The following MYOC variants were observed in gnomAD, a reference collection of about 807,000 sequenced individuals.
MYOC encodes the protein juvenile-onset open-angle glaucoma 1.
Under a neutral mutation model 28.2 loss-of-function variants are expected in MYOC, and 29 were observed. The observed-to-expected ratio is 1.03, with a 90% CI of 0.77 to 1.40. The LOEUF is 1.40. Ranked by LOEUF, MYOC falls within the 40% of genes most tolerant of loss-of-function variation. The probability of loss-of-function intolerance (pLI) is 0.00; values close to 1 mark genes in which losing one functional copy is unlikely to be tolerated. For synonymous variants in MYOC, 240 were observed against 245.6 expected (o/e 0.98, Z 0.21); for missense variants, 569 against 620.6 (o/e 0.92, Z 0.88).
chr1:171,651,889 G>A, intron 1 of MYOC, 119 bp downstream of exon 1: 3 of 1,390,704 alleles, frequency 2.2e-6, no homozygotes, highest in South Asian at 2.3e-5. Context: ...CATCTGTCTT[G>A]TGCTAGCTGT....
chr1:171,650,194 T>C (rs1272547963), intron 1 of MYOC, among the ~76,000 whole-genome samples: 1 of 152,136 alleles, frequency 6.6e-6, no homozygotes, highest in Admixed American at 6.6e-5. Flanking sequence ...GCCACTATTT[T>C]TGTACACACA....
At chr1:171,649,851 T>A (rs1653312001) in intron 1 of MYOC, among the ~76,000 whole-genome samples, 1 of 152,144 alleles carries the variant, frequency 6.6e-6, no homozygotes, top group African/African-American at 2.4e-5. Context: ...AATTCGAGCT[T>A]TGCCACTAAC....
chr1:171,635,652 C>T lies in MYOC; in HGVS notation c.*273G>A, dbSNP rs748718270. ...AACTATTATGCCTTACAGCTTTTGC[C>T]CCAAATCACAAGAAAACTTGAACTA... On this transcript the variant is annotated 3_prime_UTR_variant, in exon 3 of 3. Coordinates refer to ENST00000037502, the MANE Select transcript of MYOC (RefSeq NM_000261.2). The T allele has an allele frequency of 3.0e-5, 16 of 525,214 alleles. No individual in the cohort carries two copies. Among genetic ancestry groups the T allele is most frequent in the African/African-American group, 1.1e-4 (6 of 52,768 alleles). The allele number at this position is 525,214 out of a possible 1,614,324, so 32.5% of individuals were successfully genotyped here.
chr1:171,636,069 T>A lies in MYOC; in HGVS notation c.1371A>T (p.Thr457=), dbSNP rs145447699. The A allele has an allele frequency of 5.0e-6, 8 of 1,614,082 alleles. No homozygotes were observed. Among genetic ancestry groups the A allele is most frequent in the African/African-American group, 4.0e-5 (3 of 74,920 alleles). ...ATVNFAYDTG[T]GISKTLTIPF... The stretch of plus-strand genomic sequence containing the variant: ...GGATGGTCAGGGTCTTGCTGATACC[T>A]GTGCCTGTGTCATAAGCAAAGTTGA... Residue 457 remains threonine, a synonymous_variant, in exon 3 of 3, where the codon ACA becomes ACT. Coordinates refer to ENST00000037502, the MANE Select transcript of MYOC (RefSeq NM_000261.2).
In MYOC at chr1:171,651,988, C is replaced by G. The variant is rs370387906; in HGVS notation, c.604+20G>C. On this transcript the variant is annotated intron_variant, in intron 1 of 2. Transcript: ENST00000037502. ...CATATCACCTGCTGAACTCAGAGTCCCCCCACTCTGCATTCTTACCTTCTC... is the reference window on the plus strand; with the variant it reads ...CATATCACCTGCTGAACTCAGAGTCGCCCCACTCTGCATTCTTACCTTCTC... 1 of 1,614,108 alleles carries G rather than the reference C, an allele frequency of 6.2e-7. No individual in the cohort carries two copies.
intron 1 of MYOC, among the ~76,000 whole-genome samples, chr1:171,643,778 C>G (rs1307192093): frequency 1.3e-5 from 2 of 151,790 alleles, no homozygotes; most frequent in Non-Finnish European, 2.9e-5. Context: ...CGAGACCAGC[C>G]TGACCAACAT....
At chr1:171,648,316 C>G (rs1394677962) in intron 1 of MYOC, among the ~76,000 whole-genome samples, 1 of 152,168 alleles carries the variant, frequency 6.6e-6, no homozygotes, top group African/African-American at 2.4e-5. Context: ...TAAACCTCCC[C>G]TCTTCTGTTG....
chr1:171,652,357 C>T lies in MYOC; in HGVS notation c.255G>A (p.Leu85=), dbSNP rs765017927. The change falls in exon 1 of 3, where the codon CTG becomes CTA. Residue 85 remains leucine, a synonymous_variant. Coordinates refer to ENST00000037502, the MANE Select transcript of MYOC (RefSeq NM_000261.2). Reference sequence around the variant, plus strand: ...AGCTGAGTCGAGCTTTGGTGGCCTCCAGGTCTAAGCGTTGGGTGCTGCTGT... The same window carrying T: ...AGCTGAGTCGAGCTTTGGTGGCCTCTAGGTCTAAGCGTTGGGTGCTGCTGT... The part of the protein sequence containing the change: ...QRDSSTQRLD[L]EATKARLSSL... 2 of 1,611,144 alleles carry T rather than the reference C, an allele frequency of 1.2e-6. No homozygotes were observed. Among genetic ancestry groups the T allele is most frequent in the Admixed American group, 3.3e-5 (2 of 59,922 alleles).
chr1:171,639,168 G>T (rs1003612830), intron 1 of MYOC, among the ~76,000 whole-genome samples: 3 of 152,166 alleles, frequency 2.0e-5, no homozygotes, highest in Admixed American at 1.3e-4. Flanking sequence ...TAAGGACTGG[G>T]GATGGGTTGG....
At position 171,652,233 on chromosome 1, in the gene MYOC, C is replaced by A; in HGVS notation, c.379G>T (p.Glu127Ter). The A allele has an allele frequency of 6.2e-7, 1 of 1,614,220 alleles. No homozygotes were observed. The highest frequency in any genetic ancestry group is 8.5e-7 in the Non-Finnish European group (1 of 1,180,034). The change falls in exon 1 of 3, where the codon GAG (glutamate) becomes TAG (stop). Residue 127 changes from glutamate (E) to a stop codon, truncating the protein, a stop_gained. Transcript: ENST00000037502. LOFTEE classifies it high-confidence loss of function. ...LQRELGTLRR[E>*]RDQLETQTRE... is the part of the protein sequence containing the mutation. ...GTTTGGGTTTCCAGCTGGTCCCGCT[C>A]CCGCCTCAGGGTGCCCAGCTCCCTC... is the stretch of plus-strand genomic sequence containing the variant.
intron 1 of MYOC, among the ~76,000 whole-genome samples, chr1:171,639,340 C>T (rs1481397078): frequency 6.6e-6 from 1 of 152,068 alleles, no homozygotes. Flanking sequence ...GGGCAATGTG[C>T]CTACCTTAGA....
intron 1 of MYOC, among the ~76,000 whole-genome samples, chr1:171,643,210 G>T (rs1202987530): frequency 6.6e-6 from 1 of 152,194 alleles, no homozygotes; most frequent in Non-Finnish European, 1.5e-5. Context: ...CCTGAGACCA[G>T]TACCAGCTGC....
At chr1:171,646,730 C>T (rs1027262239) in intron 1 of MYOC, among the ~76,000 whole-genome samples, 5 of 151,972 alleles carry the variant, frequency 3.3e-5, no homozygotes, top group African/African-American at 4.8e-5. Flanking sequence ...CTCCTGACCT[C>T]GTGATCCGCC....
In MYOC at chr1:171,636,201, G is replaced by C; in HGVS notation, c.1239C>G (p.Leu413=). The part of the protein sequence containing the change: ...LSKLNPENLE[L]EQTWETNIRK... ...GGATGTTTGTCTCCCAGGTTTGTTC[G>C]AGTTCCAGATTCTCTGGGTTCAGTT... The change falls in exon 3 of 3, where the codon CTC becomes CTG. Residue 413 remains leucine (L), a synonymous_variant. Coordinates refer to ENST00000037502, the MANE Select transcript of MYOC (RefSeq NM_000261.2). 1 of 1,614,158 alleles carries C rather than the reference G, an allele frequency of 6.2e-7. No individual in the cohort carries two copies. The highest frequency in any genetic ancestry group is 8.5e-7 in the Non-Finnish European group (1 of 1,180,024).
chr1:171,645,589 T>C (rs1021990958), intron 1 of MYOC, among the ~76,000 whole-genome samples: 2 of 152,226 alleles, frequency 1.3e-5, no homozygotes, highest in African/African-American at 4.8e-5. Context: ...TTCTTTAAAG[T>C]AAACTTCCCC....
intron 1 of MYOC, among the ~76,000 whole-genome samples, chr1:171,650,886 C>T (rs1653336003): frequency 2.0e-5 from 3 of 152,120 alleles, no homozygotes; most frequent in Non-Finnish European, 4.4e-5. Flanking sequence ...ATCCTGACGC[C>T]TCACCCTGGG....
chr1:171,647,301 G>A (rs1653228237), intron 1 of MYOC, among the ~76,000 whole-genome samples: 1 of 152,174 alleles, frequency 6.6e-6, no homozygotes, highest in Non-Finnish European at 1.5e-5. Flanking sequence ...TGAGGCGGGT[G>A]GATCACGAGG....
chr1:171,652,359 G>A lies in MYOC; in HGVS notation c.253C>T (p.Leu85=). ...QRDSSTQRLD[L]EATKARLSSL... The stretch of plus-strand genomic sequence containing the variant: ...CTGAGTCGAGCTTTGGTGGCCTCCA[G>A]GTCTAAGCGTTGGGTGCTGCTGTCT... The change falls in exon 1 of 3, where the codon CTG becomes TTG. Residue 85 remains leucine (L), a synonymous_variant. Transcript: ENST00000037502. 1 of 1,612,084 alleles carries A rather than the reference G, an allele frequency of 6.2e-7. No homozygotes were observed. Among genetic ancestry groups the A allele is most frequent in the Non-Finnish European group, 8.5e-7 (1 of 1,178,368 alleles).
At position 171,636,684 on chromosome 1, in the gene MYOC, T is replaced by C; in HGVS notation, c.756A>G (p.Gly252=). 6.2e-7 allele frequency: 1 copy of C among 1,603,354 alleles called. No individual in the cohort carries two copies. Among genetic ancestry groups the C allele is most frequent in the African/African-American group, 1.3e-5 (1 of 75,044 alleles). ...CTGCTGTTCTCAGCGTGAGAGGCTC[T>C]CCTACCCAAACTAGTTCTCCACATC... ...DTGCGELVWV[G]EPLTLRTAET... is the part of the protein sequence containing the mutation. The change falls in exon 3 of 3, where the codon GGA becomes GGG. Residue 252 remains glycine, a synonymous_variant. Transcript: ENST00000037502.
Sources: gnomAD v4.1 joint callset for allele counts (sites outside exome capture counted in the v4.1 genomes callset) on GRCh38, gnomAD v4.1.1 for gene constraint, MANE v1.5 for transcripts, NCBI Gene and HGNC (gene_info 2026-07-23, HGNC 2026-07-21) for gene names.